The following ARL2BP variants were observed in gnomAD, a reference collection of about 807,000 sequenced individuals.
The protein encoded by ARL2BP is ARF like GTPase 2 binding protein.
A neutral mutation model predicts 24.2 loss-of-function variants in ARL2BP; 19 were observed. That is an observed-to-expected ratio of 0.79 (90% CI 0.55 to 1.15). The LOEUF is 1.15. Ranked by LOEUF, ARL2BP falls within the 50% of genes most tolerant of loss-of-function variation. The probability of loss-of-function intolerance (pLI) is 0.00; values close to 1 mark genes in which losing one functional copy is unlikely to be tolerated. For missense variants in ARL2BP, 160 were observed against 190.4 expected, an observed-to-expected ratio of 0.84 and a Z score of 0.94; for synonymous variants, 56 against 70.5, an observed-to-expected ratio of 0.79 and a Z score of 1.03.
intron 1 of ARL2BP, 55 bp downstream of exon 1, chr16:57,245,460 G>C: frequency 1.3e-6 from 2 of 1,584,178 alleles, no homozygotes; most frequent in Non-Finnish European, 1.7e-6. Context: ...GCGGGCGTTC[G>C]CCCCGGGGCC....
At chr16:57,252,104 C>G in intron 5 of ARL2BP, 62 bp from the exon 6 acceptor site, 1 of 1,500,388 alleles carries the variant, frequency 6.7e-7, no homozygotes, top group Non-Finnish European at 9.2e-7. Context: ...TTCCCCATGT[C>G]AGAGGCAAGA....
At chr16:57,245,459 C>T in intron 1 of ARL2BP, 54 bp downstream of exon 1, 1 of 1,585,356 alleles carries the variant, frequency 6.3e-7, no homozygotes, top group Non-Finnish European at 8.6e-7. Flanking sequence ...AGCGGGCGTT[C>T]GCCCCGGGGC....
At chr16:57,247,143 T>C (rs2075392847) in intron 2 of ARL2BP, among the ~76,000 whole-genome samples, 1 of 152,234 alleles carries the variant, frequency 6.6e-6, no homozygotes, top group Non-Finnish European at 1.5e-5. Flanking sequence ...CAAGTTTTTA[T>C]ACCTTCAGGT....
chr16:57,249,490 G>T (rs1244402118), intron 3 of ARL2BP: 14 of 443,308 alleles, frequency 3.2e-5, no homozygotes, highest in Non-Finnish European at 4.1e-5. Flanking sequence ...GCACTGGGTT[G>T]TGGGTGTGGG....
Position 57,252,427 on chromosome 16 carries a change from C to T in ARL2BP, c.*160C>T. 7.4e-7 allele frequency: 1 copy of T among 1,359,916 alleles called. No homozygotes were observed. Among genetic ancestry groups the T allele is most frequent in the Non-Finnish European group, 1.0e-6 (1 of 1,001,990 alleles). The allele number at this position is 1,359,916 out of a possible 1,614,324, so 84.2% of individuals were successfully genotyped here. On this transcript the variant is annotated 3_prime_UTR_variant, in exon 6 of 6. Transcript: ENST00000219204. ...TCAAAACCAAAATGACCTAACCCTC[C>T]TGGACCTATTTATCCTGAAACACCT...
intron 2 of ARL2BP, 192 bp from the exon 3 acceptor site, chr16:57,248,318 AAAAAAAAAAAAAAAAAAAGAAAGAAAG>A: frequency 5.3e-6 from 1 of 187,036 alleles, no homozygotes; most frequent in South Asian, 1.9e-4. Context: ...GCTCAAAAAA[AAAAAAAAAAAAAAAAAAAGAAAGAAAG>A]AAAAAGAAAA....
chr16:57,252,638 G>C lies in ARL2BP; in HGVS notation c.*371G>C, dbSNP rs2075412065. The C allele has an allele frequency of 3.7e-6, 1 of 268,544 alleles. No homozygotes were observed. The highest frequency in any genetic ancestry group is 7.3e-6 in the Non-Finnish European group (1 of 137,872). 16.6% of individuals were successfully genotyped at this position (268,544 alleles called of 1,614,324 possible). On this transcript the variant is annotated 3_prime_UTR_variant, in exon 6 of 6. Coordinates refer to ENST00000219204, the MANE Select transcript of ARL2BP (RefSeq NM_012106.4). ...CCGCCACCACCCTCTGTTCCAGCAG[G>C]CTCTGCATGAATCTTTGTGCACTTG...
chr16:57,252,906 C>T lies in ARL2BP; in HGVS notation c.*639C>T, dbSNP rs571780397. 1 of 152,930 alleles carries T rather than the reference C, an allele frequency of 6.5e-6. No homozygotes were observed. The highest frequency in any genetic ancestry group is 1.9e-4 in the East Asian group (1 of 5,172). The allele number at this position is 152,930 out of a possible 1,614,324, so 9.5% of individuals were successfully genotyped here. On this transcript the variant is annotated 3_prime_UTR_variant, in exon 6 of 6. Transcript: ENST00000219204. ...CTGTCTTCTGGTCCTGATGTAGTCC[C>T]ACTGTTTCTAGAAGTCTCTTTTAAG...
chr16:57,247,739 G>A (rs901262330), intron 2 of ARL2BP, among the ~76,000 whole-genome samples: 1 of 152,120 alleles, frequency 6.6e-6, no homozygotes, highest in East Asian at 1.9e-4. Context: ...GATGCGATTC[G>A]AACCCAGACG....
At chr16:57,249,946 C>G in intron 4 of ARL2BP, 94 bp downstream of exon 4, 1 of 1,157,962 alleles carries the variant, frequency 8.6e-7, no homozygotes. Flanking sequence ...GTTTGTTTTC[C>G]TGTGCATGCC....
chr16:57,245,997 G>C, intron 1 of ARL2BP, 83 bp from the exon 2 acceptor site: 1 of 1,333,928 alleles, frequency 7.5e-7, no homozygotes, highest in South Asian at 1.2e-5. Context: ...TTTTTCTCTT[G>C]TGCATGTTTG....
chr16:57,245,548 C>A, intron 1 of ARL2BP, 143 bp downstream of exon 1: 1 of 1,066,706 alleles, frequency 9.4e-7, no homozygotes, highest in Non-Finnish European at 1.4e-6. Flanking sequence ...GGCGCCGTCC[C>A]AGCTCCAGGC....
rs376735599 is a variant in ARL2BP at position 57,252,443 on chromosome 16, T to C, written c.*176T>C. The C allele has an allele frequency of 3.5e-6, 4 of 1,138,548 alleles. No individual in the cohort carries two copies. The highest frequency in any genetic ancestry group is 3.1e-5 in the African/African-American group (2 of 64,508). 70.5% of individuals were successfully genotyped at this position (1,138,548 alleles called of 1,614,324 possible). ...CTAACCCTCCTGGACCTATTTATCC[T>C]GAAACACCTTCTTGTATTCATTAAC... On this transcript the variant is annotated 3_prime_UTR_variant, in exon 6 of 6. Coordinates refer to ENST00000219204, the MANE Select transcript of ARL2BP (RefSeq NM_012106.4).
At position 57,252,491 on chromosome 16, in the gene ARL2BP, A is replaced by G. The variant is rs147393266; in HGVS notation, c.*224A>G. 6.6e-4 allele frequency: 473 copies of G among 713,936 alleles called. 3 individuals are homozygous for G. In the African/African-American group the frequency reaches 7.5e-3, roughly 11 times the overall value. 44.2% of individuals were successfully genotyped at this position (713,936 alleles called of 1,614,324 possible). A position where few individuals can be genotyped will look rare whatever the true frequency, so the allele number is the denominator to read the frequency against. On this transcript the variant is annotated 3_prime_UTR_variant, in exon 6 of 6. Coordinates refer to ENST00000219204, the MANE Select transcript of ARL2BP (RefSeq NM_012106.4). ...AACCATAGTACTCCTCCCCACCTCAAGTAGACACCTCTCTCAGGAGCTTCT... is the reference window on the plus strand; with the variant it reads ...AACCATAGTACTCCTCCCCACCTCAGGTAGACACCTCTCTCAGGAGCTTCT...
chr16:57,252,072 C>T (rs1567526760), intron 5 of ARL2BP, 94 bp from the exon 6 acceptor site: 4 of 1,065,660 alleles, frequency 3.8e-6, no homozygotes, highest in Non-Finnish European at 5.6e-6. Context: ...TGGAGGTCCA[C>T]GTTCCCACCT....
chr16:57,252,387 T>G lies in ARL2BP; in HGVS notation c.*120T>G. The stretch of plus-strand genomic sequence containing the variant: ...TCTGTTATGTAACTCTTCATTTATG[T>G]TAAGTATTAATAGGTCAAAACCAAA... On this transcript the variant is annotated 3_prime_UTR_variant, in exon 6 of 6. Transcript: ENST00000219204. The G allele has an allele frequency of 6.4e-7, 1 of 1,563,756 alleles. No individual in the cohort carries two copies. The highest frequency in any genetic ancestry group is 1.2e-5 in the South Asian group (1 of 86,516).
chr16:57,246,294 G>A (rs1224420623), intron 2 of ARL2BP, 153 bp downstream of exon 2: 1 of 719,532 alleles, frequency 1.4e-6, no homozygotes, highest in Admixed American at 2.6e-5. Flanking sequence ...GCTTACTGCA[G>A]TTTGTCTTAG....
intron 4 of ARL2BP, 181 bp downstream of exon 4, chr16:57,250,033 C>A: frequency 3.2e-6 from 2 of 628,438 alleles, no homozygotes. Context: ...TTGGCTCACG[C>A]TTGTGTTCTC....
chr16:57,249,574 C>T, intron 3 of ARL2BP, 193 bp from the exon 4 acceptor site: 2 of 589,104 alleles, frequency 3.4e-6, no homozygotes, highest in South Asian at 4.0e-5. Flanking sequence ...GCTAAGGCTT[C>T]TCTTCCACAC....
Sources: gnomAD v4.1 joint callset for allele counts (sites outside exome capture counted in the v4.1 genomes callset) on GRCh38, gnomAD v4.1.1 for gene constraint, MANE v1.5 for transcripts, NCBI Gene and HGNC (gene_info 2026-07-23, HGNC 2026-07-21) for gene names.